CALU: variants seen among roughly 807,000 people sequenced by gnomAD.
The protein encoded by CALU is IEF SSP 9302.
In CALU, 13 loss-of-function variants were observed where a neutral mutation model predicts 37.5. The observed-to-expected ratio is 0.35, with a 90% CI of 0.23 to 0.55. The LOEUF (loss-of-function observed/expected upper bound fraction) is 0.55. Ranked by LOEUF, CALU falls within the 20% of genes least tolerant of loss-of-function variation. The probability of loss-of-function intolerance (pLI) is 0.89; values close to 1 mark genes in which losing one functional copy is unlikely to be tolerated. For missense variants in CALU, 282 were observed against 391.7 expected (o/e 0.72, Z 2.36); for synonymous variants, 114 against 133.8 (o/e 0.85, Z 1.02).
At chr7:128,739,768 T>C (rs1395325071) in intron 1 of CALU, among the ~76,000 whole-genome samples, 1 of 151,930 alleles carries the variant, frequency 6.6e-6, no homozygotes, top group Non-Finnish European at 1.5e-5. Context: ...CACCAGAGGG[T>C]CATTTTTTGC....
At position 128,749,301 on chromosome 7, in the gene CALU, C is replaced by A. The variant is rs533184204; in HGVS notation, c.221+497C>A. Among the ~76,000 whole-genome samples, 4 of 152,250 alleles carry A rather than the reference C, an allele frequency of 2.6e-5. No homozygotes were observed. In the South Asian group the frequency reaches 8.3e-4, roughly 32 times the overall value. ...ATTTGTTTAATTAAAAAACAAAAAT[C>A]AAACCAACTTTGTCTTTTAGAAAAT... On this transcript the variant is annotated intron_variant, in intron 2 of 6. Transcript: ENST00000249364.
At chr7:128,755,762 C>T (rs1255598793) in intron 3 of CALU, among the ~76,000 whole-genome samples, 1 of 152,188 alleles carries the variant, frequency 6.6e-6, no homozygotes, top group Non-Finnish European at 1.5e-5. Flanking sequence ...TGAAATTCCT[C>T]TGTTGTACAT....
intron 2 of CALU, among the ~76,000 whole-genome samples, chr7:128,752,911 C>T (rs1800733749): frequency 6.6e-6 from 1 of 152,096 alleles, no homozygotes; most frequent in Admixed American, 6.5e-5. Context: ...TCTCGAATTC[C>T]TCACCTCCCG....
At chr7:128,748,906 C>A in intron 2 of CALU, 102 bp downstream of exon 2, 1 of 714,624 alleles carries the variant, frequency 1.4e-6, no homozygotes, top group South Asian at 1.8e-5. Context: ...TTATATTGAA[C>A]TATTAATACA....
chr7:128,751,524 C>T (rs1411300684), intron 2 of CALU, among the ~76,000 whole-genome samples: 2 of 152,002 alleles, frequency 1.3e-5, no homozygotes, highest in South Asian at 2.1e-4. Flanking sequence ...CTCAGGAGTT[C>T]GAGACCAGCC....
In CALU at chr7:128,748,370, A is replaced by G. The variant is rs774169059; in HGVS notation, c.-11-203A>G. 4.7e-6 allele frequency: 7 copies of G among 1,500,120 alleles called. No homozygotes were observed. In the South Asian group the frequency reaches 7.6e-5, roughly 16 times the overall value. 92.9% of individuals were successfully genotyped at this position (1,500,120 alleles called of 1,614,324 possible). On this transcript the variant is annotated intron_variant, in intron 1 of 6. Transcript: ENST00000249364. ...CTACAATCAGATGAAGGAAACTGGTAAAAATTTCTCACTGTAATAATTGAA... is the reference window on the plus strand; with the variant it reads ...CTACAATCAGATGAAGGAAACTGGTGAAAATTTCTCACTGTAATAATTGAA...
At chr7:128,763,220 T>C (rs987711645) in intron 5 of CALU, among the ~76,000 whole-genome samples, 5 of 152,146 alleles carry the variant, frequency 3.3e-5, no homozygotes, top group Non-Finnish European at 7.3e-5. Context: ...AATCATCAAA[T>C]AGACTGAGTC....
intron 5 of CALU, among the ~76,000 whole-genome samples, chr7:128,764,748 G>A (rs2128882667): frequency 6.6e-6 from 1 of 150,832 alleles, no homozygotes; most frequent in Admixed American, 6.6e-5. Flanking sequence ...TTTAGTTATG[G>A]CGTTTGGTTA....
chr7:128,754,107 C>CCAGT (rs1050587928), intron 2 of CALU, among the ~76,000 whole-genome samples, 155 bp from the exon 3 acceptor site: 1 of 152,162 alleles, frequency 6.6e-6, no homozygotes, highest in Non-Finnish European at 1.5e-5. Flanking sequence ...TTATTACAGA[C>CCAGT]CAGTAATGGA....
At chr7:128,768,860 A>AAAAAAAAAAAAAAT (rs1209712319) in intron 6 of CALU, among the ~76,000 whole-genome samples, 1 of 150,148 alleles carries the variant, frequency 6.7e-6, no homozygotes, top group Non-Finnish European at 1.5e-5. Context: ...AAAAAAAAAA[A>AAAAAAAAAAAAAAT]AAAAAAAACA....
At position 128,748,559 on chromosome 7, in the gene CALU, T is replaced by C; in HGVS notation, c.-11-14T>C. Reference sequence around the variant, plus strand: ...TACTGCCTCCTGAATTAACTGCTTTTCATTTTCTTCAAGATCTAATTATCA... The same window carrying C: ...TACTGCCTCCTGAATTAACTGCTTTCCATTTTCTTCAAGATCTAATTATCA... On this transcript the variant is annotated splice_polypyrimidine_tract_variant and intron_variant, in intron 1 of 6. Transcript: ENST00000249364. 1.3e-6 allele frequency: 2 copies of C among 1,590,196 alleles called. No individual in the cohort carries two copies. The highest frequency in any genetic ancestry group is 1.7e-6 in the Non-Finnish European group (2 of 1,161,872).
At chr7:128,749,052 A>G (rs535156065) in intron 2 of CALU, among the ~76,000 whole-genome samples, 1 of 152,362 alleles carries the variant, frequency 6.6e-6, no homozygotes, top group South Asian at 2.1e-4. Context: ...CAAGTACTGC[A>G]AGACCCAACT....
intron 1 of CALU, chr7:128,748,073 A>AAC (rs1563127485): frequency 3.5e-6 from 1 of 286,196 alleles, no homozygotes; most frequent in East Asian, 6.5e-5. Flanking sequence ...CACCTGAAAA[A>AAC]CATTTAAAGC....
Position 128,759,026 on chromosome 7 carries a change from A to G in CALU, c.571A>G (p.Ile191Val), listed in dbSNP as rs202014721. The part of the protein sequence containing the change: ...HPEEYDYMKD[I>V]VVQETMEDID... ...TGAGGAGTATGACTACATGAAAGAT[A>G]TAGTAGTACAGGTGGGTGAGATGAA... is the stretch of plus-strand genomic sequence containing the variant. Residue 191 changes from isoleucine (I) to valine (V), a missense_variant, in exon 4 of 7, where the codon ATA (isoleucine) becomes GTA (valine). Coordinates refer to ENST00000249364, the MANE Select transcript of CALU (RefSeq NM_001219.5). 17 of 1,612,544 alleles carry G rather than the reference A, an allele frequency of 1.1e-5. No homozygotes were observed. The highest frequency in any genetic ancestry group is 2.2e-5 in the East Asian group (1 of 44,862).
intron 2 of CALU, among the ~76,000 whole-genome samples, chr7:128,751,491 C>T (rs933472209): frequency 2.6e-5 from 4 of 152,072 alleles, no homozygotes; most frequent in Admixed American, 2.0e-4. Flanking sequence ...CTTTGAGAGG[C>T]TGAAGCAGGA....
chr7:128,761,764 C>T lies in CALU; in HGVS notation c.643+1912C>T, dbSNP rs541539635. ...ATTGGTTTTGTGTTTCAGATAAGCC[C>T]GTTTGTTTTTAGACCTCTGATAGTT... On this transcript the variant is annotated intron_variant, in intron 5 of 6. Coordinates refer to ENST00000249364, the MANE Select transcript of CALU (RefSeq NM_001219.5). Among the ~76,000 whole-genome samples the T allele has an allele frequency of 5.9e-5, 9 of 152,200 alleles. No individual in the cohort carries two copies. The South Asian group carries it at 1.7e-3, about 28-fold the overall frequency.
At chr7:128,755,159 A>T (rs186837) in intron 3 of CALU, among the ~76,000 whole-genome samples, 3 of 143,768 alleles carry the variant, frequency 2.1e-5, no homozygotes, top group African/African-American at 5.0e-5. Context: ...AAAAAAAAAA[A>T]TTTAAATTAG....
intron 2 of CALU, among the ~76,000 whole-genome samples, chr7:128,750,505 CAT>C (rs1240604370): frequency 6.6e-6 from 1 of 152,130 alleles, no homozygotes; most frequent in Non-Finnish European, 1.5e-5. Flanking sequence ...AAGTTTGTCA[CAT>C]ATGCAGATTC....
intron 5 of CALU, among the ~76,000 whole-genome samples, chr7:128,765,825 G>C (rs1801307776): frequency 6.6e-6 from 1 of 152,126 alleles, no homozygotes; most frequent in Non-Finnish European, 1.5e-5. Context: ...TTATTTTTTA[G>C]AGGAAGTACT....
Sources: gnomAD v4.1 joint callset for allele counts (sites outside exome capture counted in the v4.1 genomes callset) on GRCh38, gnomAD v4.1.1 for gene constraint, MANE v1.5 for transcripts, NCBI Gene and HGNC (gene_info 2026-07-23, HGNC 2026-07-21) for gene names.